HOMER2: variants seen among roughly 807,000 people sequenced by gnomAD.
HOMER2 encodes homer scaffold protein 2.
In HOMER2, 27 loss-of-function variants were observed where a neutral mutation model predicts 47.0. That is an observed-to-expected ratio of 0.57 (90% CI 0.42 to 0.79). The LOEUF (loss-of-function observed/expected upper bound fraction) is 0.79. Ranked by LOEUF, HOMER2 falls within the 30% of genes least tolerant of loss-of-function variation. HOMER2 has a pLI of 0.00. For synonymous variants in HOMER2, 161 were observed against 163.8 expected, an observed-to-expected ratio of 0.98 and a Z score of 0.13; for missense variants, 443 against 435.0, an observed-to-expected ratio of 1.02 and a Z score of -0.16.
chr15:82,910,358 G>A (rs190245836), intron 1 of HOMER2, among the ~76,000 whole-genome samples: 182 of 152,236 alleles, frequency 1.2e-3, no homozygotes, highest in Non-Finnish European at 2.2e-3. Context: ...GAACGCTGCC[G>A]AGGAGTCCAG....
intron 1 of HOMER2, among the ~76,000 whole-genome samples, chr15:82,966,796 G>A (rs1160378281): frequency 6.6e-6 from 1 of 152,186 alleles, no homozygotes; most frequent in African/African-American, 2.4e-5. Flanking sequence ...TTTAGAAAAC[G>A]TGAGTGTGAA....
intron 1 of HOMER2, among the ~76,000 whole-genome samples, chr15:82,948,113 C>T (rs1040719392): frequency 1.3e-5 from 2 of 151,204 alleles, no homozygotes; most frequent in Admixed American, 6.6e-5. Flanking sequence ...TGGGTGTGGC[C>T]GGGCATGGTG....
intron 1 of HOMER2, among the ~76,000 whole-genome samples, chr15:82,982,040 T>C (rs1358982645): frequency 6.6e-6 from 1 of 152,186 alleles, no homozygotes; most frequent in African/African-American, 2.4e-5. Flanking sequence ...AAAAAATATA[T>C]CTGCTTAAGT....
chr15:82,871,947 G>A (rs952517022), intron 3 of HOMER2, among the ~76,000 whole-genome samples: 3 of 152,194 alleles, frequency 2.0e-5, no homozygotes, highest in Admixed American at 2.0e-4. Flanking sequence ...CCAGGCAGCT[G>A]TGAGTGATTC....
At chr15:82,906,437 T>A (rs1012317268) in intron 1 of HOMER2, among the ~76,000 whole-genome samples, 8 of 151,862 alleles carry the variant, frequency 5.3e-5, no homozygotes, top group Admixed American at 2.0e-4. Context: ...AATCCACTTT[T>A]TTTTTTTTTT....
chr15:82,977,441 C>T (rs2030244189), intron 1 of HOMER2, among the ~76,000 whole-genome samples: 1 of 152,202 alleles, frequency 6.6e-6, no homozygotes, highest in Non-Finnish European at 1.5e-5. Context: ...TTGCCAACTG[C>T]TTAAATTGGT....
rs377734208 is a variant in HOMER2 at position 82,961,606 on chromosome 15, C to CTAAACAAGT, written n.83-2307_83-2299dup. On this transcript the variant is annotated intron_variant and non_coding_transcript_variant, in intron 1 of 1. Transcript: ENST00000500334. ...AGTTGGTTCTTGGATATACTGTCTC[C>CTAAACAAGT]TAAACAAGTTTTTTTTTTAATTGTG... Among the ~76,000 whole-genome samples, 232 of 152,250 alleles carry CTAAACAAGT rather than the reference C, an allele frequency of 1.5e-3. 1 individual carries two copies. The highest frequency in any genetic ancestry group is 5.5e-3 in the African/African-American group (228 of 41,558).
chr15:82,875,140 T>C, intron 3 of HOMER2, 133 bp downstream of exon 3: 1 of 1,039,322 alleles, frequency 9.6e-7, no homozygotes, highest in African/African-American at 1.6e-5. Context: ...GGCAGCCCCG[T>C]GATGCCAGGA....
chr15:82,855,252 G>A (rs901818679), intron 5 of HOMER2, among the ~76,000 whole-genome samples: 1 of 148,842 alleles, frequency 6.7e-6, no homozygotes, highest in Non-Finnish European at 1.5e-5. Flanking sequence ...CTTGAACCCA[G>A]GAGGTGGAGG....
At chr15:82,948,158 G>A (rs1009779287) in intron 1 of HOMER2, among the ~76,000 whole-genome samples, 4 of 151,976 alleles carry the variant, frequency 2.6e-5, no homozygotes, top group Non-Finnish European at 2.9e-5. Context: ...TTGGGAGGCC[G>A]GGGCAGGCGA....
chr15:82,908,875 G>A (rs1329023610), intron 1 of HOMER2, among the ~76,000 whole-genome samples: 1 of 152,074 alleles, frequency 6.6e-6, no homozygotes, highest in Non-Finnish European at 1.5e-5. Flanking sequence ...TGAACCAACT[G>A]GAAGAGATGT....
intron 2 of HOMER2, among the ~76,000 whole-genome samples, chr15:82,877,160 T>C (rs1020220060): frequency 6.6e-6 from 1 of 151,882 alleles, no homozygotes; most frequent in African/African-American, 2.4e-5. Flanking sequence ...TTTGGGAAAG[T>C]TTTTTTGTTT....
At chr15:82,884,740 T>C (rs1478060250) in intron 2 of HOMER2, among the ~76,000 whole-genome samples, 1 of 70,222 alleles carries the variant, frequency 1.4e-5, no homozygotes, top group African/African-American at 8.6e-5. Context: ...GTACATTGAT[T>C]TTGTATCCTG....
intron 1 of HOMER2, among the ~76,000 whole-genome samples, chr15:82,983,228 A>G (rs1457840297): frequency 6.6e-6 from 1 of 152,242 alleles, no homozygotes; most frequent in African/African-American, 2.4e-5. Flanking sequence ...ATGTTTGTAT[A>G]GGTATTCAAA....
chr15:82,859,969 C>A (rs140936894), intron 4 of HOMER2, among the ~76,000 whole-genome samples: 3 of 152,060 alleles, frequency 2.0e-5, no homozygotes. Flanking sequence ...AAATGTCGGC[C>A]GGGCGCGGTG....
intron 6 of HOMER2, among the ~76,000 whole-genome samples, chr15:82,853,562 C>T (rs774050818): frequency 6.6e-6 from 1 of 152,188 alleles, no homozygotes; most frequent in African/African-American, 2.4e-5. Flanking sequence ...GGGGAGTGAA[C>T]ACCAATCTAA....
At chr15:82,929,830 A>G (rs1358817803) in intron 1 of HOMER2, among the ~76,000 whole-genome samples, 1 of 151,588 alleles carries the variant, frequency 6.6e-6, no homozygotes, top group African/African-American at 2.4e-5. Flanking sequence ...TGCTGGGCTC[A>G]AGTGATTCTC....
intron 1 of HOMER2, among the ~76,000 whole-genome samples, chr15:82,893,329 C>CTTTTTTTTTT (rs771392216): frequency 8.4e-6 from 1 of 118,958 alleles, no homozygotes. Context: ...ATAATTTTAT[C>CTTTTTTTTTT]TTTTTTTTTT....
chr15:82,967,604 G>A (rs538972838), intron 1 of HOMER2, among the ~76,000 whole-genome samples: 55 of 152,144 alleles, frequency 3.6e-4, no homozygotes, highest in African/African-American at 1.0e-3. Context: ...GGCCAGGCAC[G>A]GGGGCTCATG....
Sources: gnomAD v4.1 joint callset for allele counts (sites outside exome capture counted in the v4.1 genomes callset) on GRCh38, gnomAD v4.1.1 for gene constraint, MANE v1.5 for transcripts, NCBI Gene and HGNC (gene_info 2026-07-23, HGNC 2026-07-21) for gene names.